The following ZIM2 variants were observed in gnomAD, a reference collection of about 807,000 sequenced individuals.
The protein encoded by ZIM2 is zinc finger protein 656.
ZIM2 carries 14 observed loss-of-function variants against 38.6 expected under a neutral mutation model. The ratio of observed to expected loss-of-function variants is 0.36; its 90% CI spans 0.24 to 0.57. The LOEUF is 0.57. Among genes scored for constraint, ZIM2 ranks in the 20% least tolerant of loss-of-function variants. The probability of loss-of-function intolerance (pLI) is 0.81; values close to 1 mark genes in which losing one functional copy is unlikely to be tolerated. For synonymous variants in ZIM2, 247 were observed against 245.8 expected (o/e 1.00, Z -0.04); for missense variants, 680 against 695.1 (o/e 0.98, Z 0.24).
intron 1 of ZIM2, among the ~76,000 whole-genome samples, chr19:56,839,726 T>G (rs1307518635): frequency 7.0e-6 from 1 of 143,828 alleles, no homozygotes; most frequent in Non-Finnish European, 1.5e-5. Flanking sequence ...CAACCCACAG[T>G]CATTCAGCTT....
intron 9 of ZIM2, among the ~76,000 whole-genome samples, chr19:56,806,639 G>A (rs571382649): frequency 6.6e-5 from 10 of 152,284 alleles, no homozygotes; most frequent in East Asian, 3.9e-4. Context: ...CTTCCTCCCC[G>A]TACATACTGC....
rs114389939 is a variant in ZIM2, at chr19:56,836,868, G to T, written c.-313-764C>A. Among the ~76,000 whole-genome samples, 456 of 151,526 alleles carry T rather than the reference G, an allele frequency of 3.0e-3. 5 individuals are homozygous for T. The highest frequency in any genetic ancestry group is 0.011 in the African/African-American group (442 of 41,222). On this transcript the variant is annotated intron_variant, in intron 1 of 12. Transcript: ENST00000629319. Reference sequence around the variant, plus strand: ...CTGTATTCCCAGCTACTCTGAAGAGGCTGGGGTGGGAGAATCACTTGAACC... The same window carrying T: ...CTGTATTCCCAGCTACTCTGAAGAGTCTGGGGTGGGAGAATCACTTGAACC...
chr19:56,810,668 A>C, intron 9 of ZIM2: 1 of 967,612 alleles, frequency 1.0e-6, no homozygotes, highest in Non-Finnish European at 1.2e-6. Context: ...AAATTCCCAC[A>C]ATGACAACAC....
intron 12 of ZIM2, 37 bp downstream of exon 12, chr19:56,779,340 C>T (rs2046199225): frequency 2.5e-6 from 4 of 1,606,436 alleles, no homozygotes; most frequent in African/African-American, 2.7e-5. Flanking sequence ...TTACTGGTTC[C>T]CCCTCCTACA....
intron 9 of ZIM2, 115 bp from the exon 10 acceptor site, chr19:56,790,066 T>G: frequency 6.9e-6 from 5 of 729,174 alleles, no homozygotes; most frequent in Non-Finnish European, 9.9e-6. Context: ...ACAGCAGCTC[T>G]AGAGTTCCTA....
At chr19:56,836,449 C>A (rs1409000636) in intron 1 of ZIM2, among the ~76,000 whole-genome samples, 1 of 152,156 alleles carries the variant, frequency 6.6e-6, no homozygotes, top group African/African-American at 2.4e-5. Context: ...GACCGCTATC[C>A]TATCGTTATT....
At chr19:56,810,300 A>G (rs1273959988) in intron 9 of ZIM2, 3 of 982,308 alleles carry the variant, frequency 3.1e-6, no homozygotes, top group Admixed American at 1.2e-4. Context: ...TAATGGAAAT[A>G]TATGTAGTAA....
chr19:56,837,030 A>G (rs1162501706), intron 1 of ZIM2, among the ~76,000 whole-genome samples: 1 of 151,054 alleles, frequency 6.6e-6, no homozygotes, highest in Admixed American at 6.6e-5. Context: ...AGGAAGCGTC[A>G]TATGTGTCAC....
chr19:56,799,903 A>G (rs2047425807), intron 9 of ZIM2, among the ~76,000 whole-genome samples: 1 of 152,240 alleles, frequency 6.6e-6, no homozygotes, highest in South Asian at 2.1e-4. Flanking sequence ...ATGAATATAG[A>G]AAAACATGCT....
At chr19:56,837,003 A>AT (rs2062204005) in intron 1 of ZIM2, among the ~76,000 whole-genome samples, 1 of 148,688 alleles carries the variant, frequency 6.7e-6, no homozygotes, top group East Asian at 2.0e-4. Flanking sequence ...AAAAAAAAAA[A>AT]TTATGACAGG....
At position 56,822,804 on chromosome 19, in the gene ZIM2, T is replaced by C. The variant is rs199846514; in HGVS notation, c.139A>G (p.Arg47Gly). 6.2e-6 allele frequency: 10 copies of C among 1,614,156 alleles called. No individual in the cohort carries two copies. The African/African-American group carries it at 9.3e-5, about 15-fold the overall frequency. Residue 47 changes from arginine (R) to glycine (G), a missense_variant, in exon 6 of 13, where the codon AGA becomes GGA. Coordinates refer to ENST00000629319, the MANE Select transcript of ZIM2 (RefSeq NM_001387356.1). ...CAGCGGTCTCGTGGCTCCATGTCTC[T>C]GCTTCTGCCCCTCCGGTCCCAGTCC... ...DRDWDRRGRS[R>G]DMEPRDRWSH...
intron 2 of ZIM2, among the ~76,000 whole-genome samples, chr19:56,827,580 C>A (rs1248541205): frequency 6.6e-6 from 1 of 152,150 alleles, no homozygotes; most frequent in Admixed American, 6.5e-5. Flanking sequence ...TGTGGCAATG[C>A]AAATTTTATC....
At chr19:56,792,449 T>C (rs769840900) in intron 9 of ZIM2, among the ~76,000 whole-genome samples, 6 of 144,222 alleles carry the variant, frequency 4.2e-5, no homozygotes, top group South Asian at 2.2e-4. Flanking sequence ...GAGAATTGCT[T>C]GAACCCGGGA....
rs1418142454 is a variant in ZIM2 at position 56,824,440 on chromosome 19, G to A, written c.-150-13C>T. On this transcript the variant is annotated splice_polypyrimidine_tract_variant and intron_variant, in intron 3 of 12. Coordinates refer to ENST00000629319, the MANE Select transcript of ZIM2 (RefSeq NM_001387356.1). ...TGCGGGTCTCCGGCTGCAACCAATC[G>A]AGGCAGAGGTTTCGGAGTTTGATCA... 10 of 1,613,994 alleles carry A rather than the reference G, an allele frequency of 6.2e-6. No homozygotes were observed. Among genetic ancestry groups the A allele is most frequent in the Non-Finnish European group, 8.5e-6 (10 of 1,180,024 alleles).
In ZIM2 at chr19:56,814,686, T is replaced by G; in HGVS notation, c.490+3060A>C. ...CCTCAGCCATCTGGCTCTGCTCCAGTAAATCATCTTCCCTATGAAGTCTCA... is the reference window on the plus strand; with the variant it reads ...CCTCAGCCATCTGGCTCTGCTCCAGGAAATCATCTTCCCTATGAAGTCTCA... On this transcript the variant is annotated intron_variant, in intron 9 of 12. Coordinates refer to ENST00000629319, the MANE Select transcript of ZIM2 (RefSeq NM_001387356.1). This position sits in a 1 kb window ranked among gnomAD's most constrained non-coding sequence, Gnocchi z 5.8. 1.2e-6 allele frequency: 2 copies of G among 1,614,074 alleles called. No homozygotes were observed. The highest frequency in any genetic ancestry group is 2.7e-5 in the African/African-American group (2 of 75,062).
chr19:56,813,552 T>C, intron 9 of ZIM2: 1 of 1,448,656 alleles, frequency 6.9e-7, no homozygotes, highest in Non-Finnish European at 9.1e-7. Flanking sequence ...AGATGTTAAG[T>C]CAGGTGTGTA....
At chr19:56,796,276 T>TTACCTG (rs2047222323) in intron 9 of ZIM2, among the ~76,000 whole-genome samples, 1 of 152,256 alleles carries the variant, frequency 6.6e-6, no homozygotes, top group African/African-American at 2.4e-5. Flanking sequence ...CATCTCTAGA[T>TTACCTG]TACTTACATT....
intron 9 of ZIM2, among the ~76,000 whole-genome samples, chr19:56,801,969 CCCAGGTCCCCT>C (rs1456072356): frequency 6.6e-6 from 1 of 152,112 alleles, no homozygotes; most frequent in Non-Finnish European, 1.5e-5. Context: ...AGAGAGTGAT[CCCAGGTCCCCT>C]AACTAACAGA....
chr19:56,797,036 G>T (rs988006645), intron 9 of ZIM2, among the ~76,000 whole-genome samples: 1 of 151,354 alleles, frequency 6.6e-6, no homozygotes, highest in South Asian at 2.1e-4. Flanking sequence ...GCTCAGCCAG[G>T]CTTGGTGGTT....
Sources: allele counts gnomAD v4.1 joint callset (sites outside exome capture counted in the v4.1 genomes callset), GRCh38; gene constraint gnomAD v4.1.1; non-coding constraint Gnocchi (gnomAD v3.1); transcripts MANE v1.5; gene names NCBI Gene and HGNC (gene_info 2026-07-23, HGNC 2026-07-21).